TMEM132B: variants seen among roughly 807,000 people sequenced by gnomAD.
TMEM132B encodes the protein transmembrane protein 132B.
A neutral mutation model predicts 90.8 loss-of-function variants in TMEM132B; 18 were observed. The ratio of observed to expected loss-of-function variants is 0.20; its 90% CI spans 0.14 to 0.29. The LOEUF (loss-of-function observed/expected upper bound fraction) is 0.29, where lower values mean the gene tolerates loss of function less well. Among genes scored for constraint, TMEM132B ranks in the 10% least tolerant of loss-of-function variants. TMEM132B has a pLI of 1.00. For missense variants in TMEM132B, 1,096 were observed against 1,326.8 expected (o/e 0.83, Z 2.70); for synonymous variants, 504 against 523.3 (o/e 0.96, Z 0.50).
At position 125,326,417 on chromosome 12, in the gene TMEM132B, T is replaced by C. The variant is rs1876566014; in HGVS notation, c.68-23035T>C. On this transcript the variant is annotated intron_variant, in intron 1 of 8. Coordinates refer to ENST00000682704, the MANE Select transcript of TMEM132B (RefSeq NM_001366854.1). ...TCCAGACTTGGTTGAAAAAGTCACTTGCCCTCCTTGTTGACCTGTTTCCAA... is the reference window on the plus strand; with the variant it reads ...TCCAGACTTGGTTGAAAAAGTCACTCGCCCTCCTTGTTGACCTGTTTCCAA... 9.6e-6 allele frequency: 6 copies of C among 626,818 alleles called. No individual in the cohort carries two copies. In the South Asian group the frequency reaches 1.1e-4, roughly 12 times the overall value. 38.8% of individuals were successfully genotyped at this position (626,818 alleles called of 1,614,324 possible). A position where few individuals can be genotyped will look rare whatever the true frequency, so the allele number is the denominator to read the frequency against.
chr12:125,241,468 C>T (rs1874066307), intron 1 of TMEM132B, among the ~76,000 whole-genome samples: 1 of 152,152 alleles, frequency 6.6e-6, no homozygotes. Flanking sequence ...TATGTTTACT[C>T]ACCCCAGGCC....
At chr12:125,412,166 C>T (rs1879866789) in intron 2 of TMEM132B, among the ~76,000 whole-genome samples, 1 of 152,168 alleles carries the variant, frequency 6.6e-6, no homozygotes, top group Admixed American at 6.5e-5. Flanking sequence ...GTGGAAGAAG[C>T]ATCGTGCACG....
intron 4 of TMEM132B, among the ~76,000 whole-genome samples, chr12:125,547,751 G>C (rs1468538031): frequency 6.6e-6 from 1 of 152,164 alleles, no homozygotes; most frequent in Non-Finnish European, 1.5e-5. Flanking sequence ...AGGCAGGATG[G>C]ATTCAGCTCA....
chr12:125,598,641 A>G (rs143034870), intron 5 of TMEM132B, among the ~76,000 whole-genome samples: 1 of 152,372 alleles, frequency 6.6e-6, no homozygotes, highest in African/African-American at 2.4e-5. Flanking sequence ...TGTGCAAATG[A>G]AAATCATTTC....
At chr12:125,285,249 C>T (rs539024155) in intron 1 of TMEM132B, among the ~76,000 whole-genome samples, 3 of 152,152 alleles carry the variant, frequency 2.0e-5, no homozygotes, top group Non-Finnish European at 4.4e-5. Flanking sequence ...TTCCTAAGAA[C>T]CGGGTGGACT....
intron 1 of TMEM132B, among the ~76,000 whole-genome samples, chr12:125,320,877 C>T (rs912258852): frequency 1.3e-5 from 2 of 152,180 alleles, no homozygotes; most frequent in Non-Finnish European, 2.9e-5. Flanking sequence ...GATTCCCAAA[C>T]CTCTGAGAAC....
chr12:125,499,005 C>A (rs1293440665), intron 3 of TMEM132B, among the ~76,000 whole-genome samples: 1 of 152,132 alleles, frequency 6.6e-6, no homozygotes, highest in Non-Finnish European at 1.5e-5. Context: ...TTGAGTAAGT[C>A]CCACAACATT....
intron 2 of TMEM132B, among the ~76,000 whole-genome samples, chr12:125,360,865 A>T (rs1458642272): frequency 6.6e-6 from 1 of 151,906 alleles, no homozygotes; most frequent in East Asian, 1.9e-4. Flanking sequence ...GATTAGAATC[A>T]ATAAGGCTTG....
At chr12:125,237,879 G>T (rs1412096115) in intron 1 of TMEM132B, among the ~76,000 whole-genome samples, 1 of 152,186 alleles carries the variant, frequency 6.6e-6, no homozygotes, top group Non-Finnish European at 1.5e-5. Flanking sequence ...TTGGTTGATG[G>T]TGTTGAATGA....
intron 4 of TMEM132B, among the ~76,000 whole-genome samples, chr12:125,534,341 AC>A (rs1256388698): frequency 7.9e-5 from 12 of 152,006 alleles, no homozygotes; most frequent in African/African-American, 2.7e-4. Flanking sequence ...ACATAGTGAG[AC>A]TCCTATCTCT....
At position 125,490,872 on chromosome 12, in the gene TMEM132B, G is replaced by C. The variant is rs116422660; in HGVS notation, c.1107-28567G>C. Reference sequence around the variant, plus strand: ...AAAAGACTAGGTCTCAAAAAGCATTGCACTTTCTTCCTTGCTGTTTCTTGG... The same window carrying C: ...AAAAGACTAGGTCTCAAAAAGCATTCCACTTTCTTCCTTGCTGTTTCTTGG... On this transcript the variant is annotated intron_variant, in intron 3 of 8. Transcript: ENST00000682704. This position sits in a 1 kb window ranked among gnomAD's most constrained non-coding sequence, Gnocchi z 4.2. 8.0e-3 allele frequency among the ~76,000 whole-genome samples: 1,215 copies of C among 152,314 alleles called. 13 individuals are homozygous for C. The highest frequency in any genetic ancestry group is 0.027 in the African/African-American group (1,137 of 41,572).
At chr12:125,364,030 A>G (rs1878046817) in intron 2 of TMEM132B, among the ~76,000 whole-genome samples, 2 of 152,238 alleles carry the variant, frequency 1.3e-5, no homozygotes, top group Non-Finnish European at 2.9e-5. Flanking sequence ...TTATATCTAC[A>G]GTAGCATACA....
At chr12:125,324,583 C>T (rs1471474585) in intron 1 of TMEM132B, among the ~76,000 whole-genome samples, 1 of 149,354 alleles carries the variant, frequency 6.7e-6, no homozygotes, top group East Asian at 2.1e-4. Context: ...AGCATTACTG[C>T]CTGAGCTCTG....
chr12:125,437,299 C>T (rs1189120015), intron 3 of TMEM132B, among the ~76,000 whole-genome samples: 1 of 152,170 alleles, frequency 6.6e-6, no homozygotes, highest in Non-Finnish European at 1.5e-5. Flanking sequence ...CTTAATGTAA[C>T]ATGACTTCAA....
chr12:125,432,526 T>TAGAGAGAG lies in TMEM132B; in HGVS notation c.1106+16850_1106+16851insGAGAGAGA, dbSNP rs1257848953. On this transcript the variant is annotated intron_variant, in intron 3 of 8. Transcript: ENST00000682704. ...ATGTGTGTGTGTATATATATATATATATAGAGAGAGAGAGAGAGAGAGAGA... is the reference window on the plus strand; with the variant it reads ...ATGTGTGTGTGTATATATATATATATAGAGAGAGATAGAGAGAGAGAGAGAGAGAGAGA... 3.4e-5 allele frequency among the ~76,000 whole-genome samples: 2 copies of TAGAGAGAG among 58,432 alleles called. 1 individual carries two copies. The highest frequency in any genetic ancestry group is 6.8e-5 in the Non-Finnish European group (2 of 29,604). The allele number at this position is 58,432 out of a possible 152,430, so 38.3% of individuals were successfully genotyped here. A position where few individuals can be genotyped will look rare whatever the true frequency, so the allele number is the denominator to read the frequency against.
intron 5 of TMEM132B, among the ~76,000 whole-genome samples, chr12:125,642,839 T>C (rs949060379): frequency 2.0e-5 from 3 of 152,238 alleles, no homozygotes; most frequent in Non-Finnish European, 2.9e-5. Context: ...TCCCATTAGC[T>C]ATTTTCTCCT....
rs76785977 is a variant in TMEM132B at position 125,337,718 on chromosome 12, C to T, written c.68-11734C>T. Among the ~76,000 whole-genome samples the T allele has an allele frequency of 7.4e-3, 1,126 of 152,238 alleles. 13 individuals are homozygous for T. The highest frequency in any genetic ancestry group is 0.025 in the African/African-American group (1,031 of 41,540). On this transcript the variant is annotated intron_variant, in intron 1 of 8. Transcript: ENST00000682704. ...CCCCTCATCCATATACTCAAATTTC[C>T]GGTATTCTGTTCTATGCTATTTTCC...
rs576155816 is a variant in TMEM132B at position 125,363,171 on chromosome 12, G to C, written c.959+12828G>C. Among the ~76,000 whole-genome samples, 21 of 152,266 alleles carry C rather than the reference G, an allele frequency of 1.4e-4. No individual in the cohort carries two copies. In the South Asian group the frequency reaches 2.3e-3, roughly 17 times the overall value. On this transcript the variant is annotated intron_variant, in intron 2 of 8. Transcript: ENST00000682704. Reference sequence around the variant, plus strand: ...AAATCCTAACTTTACCATCTATAAAGTACCAGTTTTAAACTTAAGTGTAAA... The same window carrying C: ...AAATCCTAACTTTACCATCTATAAACTACCAGTTTTAAACTTAAGTGTAAA...
At chr12:125,632,096 A>AT (rs1054303117) in intron 5 of TMEM132B, among the ~76,000 whole-genome samples, 6 of 151,272 alleles carry the variant, frequency 4.0e-5, no homozygotes, top group African/African-American at 9.7e-5. Context: ...TGTGAAGGTG[A>AT]TTTTTTTGGT....
Sources: allele counts gnomAD v4.1 joint callset (sites outside exome capture counted in the v4.1 genomes callset), GRCh38; gene constraint gnomAD v4.1.1; non-coding constraint Gnocchi (gnomAD v3.1); transcripts MANE v1.5; gene names NCBI Gene and HGNC (gene_info 2026-07-23, HGNC 2026-07-21).